ARFGEF2: variants seen among roughly 807,000 people sequenced by gnomAD.
ARFGEF2 encodes the protein brefeldin A-inhibited guanine nucleotide-exchange protein 2.
Under a neutral mutation model 219.9 loss-of-function variants are expected in ARFGEF2, and 74 were observed. That is an observed-to-expected ratio of 0.34 (90% CI 0.28 to 0.41). ARFGEF2 has a LOEUF of 0.41. Among genes scored for constraint, ARFGEF2 ranks in the 10% least tolerant of loss-of-function variants. The pLI, the probability that ARFGEF2 is intolerant of heterozygous loss-of-function variation, is 1.00. For synonymous variants in ARFGEF2, 733 were observed against 799.2 expected (o/e 0.92, Z 1.40); for missense variants, 1,743 against 2,218.3 (o/e 0.79, Z 4.30).
rs2091383339 is a variant in ARFGEF2 at position 48,995,952 on chromosome 20, A to C, written c.3221+70A>C. The C allele has an allele frequency of 2.2e-6, 3 of 1,339,922 alleles. No homozygotes were observed. In the East Asian group the frequency reaches 6.9e-5, roughly 31 times the overall value. 83.0% of individuals were successfully genotyped at this position (1,339,922 alleles called of 1,614,324 possible). Reference sequence around the variant, plus strand: ...GGTGGCCTCTCTGTAGTTACTGGACATGAATGATTCCTAATTTCTTTAACT... The same window carrying C: ...GGTGGCCTCTCTGTAGTTACTGGACCTGAATGATTCCTAATTTCTTTAACT... On this transcript the variant is annotated intron_variant, in intron 23 of 38. Transcript: ENST00000371917.
intron 17 of ARFGEF2, 30 bp from the exon 18 acceptor site, chr20:48,988,461 T>A: frequency 6.2e-7 from 1 of 1,611,036 alleles, no homozygotes; most frequent in Non-Finnish European, 8.5e-7. Context: ...GGATGTTTTT[T>A]AAATGGTTTT....
intron 1 of ARFGEF2, among the ~76,000 whole-genome samples, chr20:48,940,765 G>T (rs189645253): frequency 0.11 from 16,046 of 152,054 alleles, 960 homozygotes; most frequent in Non-Finnish European, 0.13. Flanking sequence ...AGACGTTTTT[G>T]GTTTTCAAGA....
At position 49,023,129 on chromosome 20, in the gene ARFGEF2, T is replaced by A; in HGVS notation, c.4703T>A (p.Phe1568Tyr). 1 of 1,614,166 alleles carries A rather than the reference T, an allele frequency of 6.2e-7. No homozygotes were observed. The highest frequency in any genetic ancestry group is 8.5e-7 in the Non-Finnish European group (1 of 1,180,006). Reference sequence around the variant, plus strand: ...ATACAGACCATTGACAACATTGTGTTCTACCCTGCGACGAGCAAAAAGGAG... The same window carrying A: ...ATACAGACCATTGACAACATTGTGTACTACCCTGCGACGAGCAAAAAGGAG... ...ELIQTIDNIVFYPATSKKEDA... is the reference protein window; with the variant it reads ...ELIQTIDNIVYYPATSKKEDA... Residue 1568 changes from phenylalanine (F) to tyrosine (Y), a missense_variant, in exon 35 of 39, where the codon TTC becomes TAC. Around this residue, in one of 5 missense-constraint regions of ARFGEF2, gnomAD observed 578 missense variants for 664.0 expected, o/e 0.87. Transcript: ENST00000371917.
At chr20:48,939,210 T>C (rs1045836648) in intron 1 of ARFGEF2, among the ~76,000 whole-genome samples, 8 of 152,062 alleles carry the variant, frequency 5.3e-5, no homozygotes, top group African/African-American at 1.9e-4. Context: ...CCTGACCTCG[T>C]GATCTGCCTG....
At chr20:49,019,777 T>A (rs766259961) in intron 34 of ARFGEF2, among the ~76,000 whole-genome samples, 11 of 152,256 alleles carry the variant, frequency 7.2e-5, no homozygotes, top group Admixed American at 5.2e-4. Context: ...GCACCACTTC[T>A]GTTTTCTTCT....
At chr20:48,942,086 T>C in intron 3 of ARFGEF2, 99 bp downstream of exon 3, 3 of 1,481,232 alleles carry the variant, frequency 2.0e-6, no homozygotes, top group Non-Finnish European at 2.8e-6. Flanking sequence ...CACTCAGTGC[T>C]GTCAGAGGCG....
In ARFGEF2 at chr20:49,005,146, A is replaced by T; in HGVS notation, c.3509A>T (p.Glu1170Val). Residue 1170 changes from glutamate to valine, a missense_variant, in exon 26 of 39, where the codon GAG becomes GTG. By Grantham distance (121) the Glu-to-Val change is moderately radical. Transcript: ENST00000371917. Reference sequence around the variant, plus strand: ...AGGCAACTCTCCATGAAGTTTCTTGAGAAGGGTGAATTAGCCAACTTCCGT... The same window carrying T: ...AGGCAACTCTCCATGAAGTTTCTTGTGAAGGGTGAATTAGCCAACTTCCGT... ...SLRQLSMKFL[E>V]KGELANFRFQ... 6.2e-7 allele frequency: 1 copy of T among 1,614,206 alleles called. No homozygotes were observed. The highest frequency in any genetic ancestry group is 8.5e-7 in the Non-Finnish European group (1 of 1,180,048).
intron 1 of ARFGEF2, among the ~76,000 whole-genome samples, chr20:48,933,940 C>T (rs896963322): frequency 7.2e-5 from 11 of 151,754 alleles, no homozygotes; most frequent in South Asian, 2.1e-4. Flanking sequence ...GCCAACATGG[C>T]GAAACCCTGT....
chr20:48,974,897 C>A lies in ARFGEF2; in HGVS notation c.1774+23C>A, dbSNP rs1293474274. 6 of 1,579,472 alleles carry A rather than the reference C, an allele frequency of 3.8e-6. No individual in the cohort carries two copies. In the Admixed American group the frequency reaches 5.0e-5, roughly 13 times the overall value. The stretch of plus-strand genomic sequence containing the variant: ...TCGGTGAGACAGCATTGCTGCCACA[C>A]CCACCTCCATTCATAATAGGCTCCT... On this transcript the variant is annotated intron_variant, in intron 13 of 38. Transcript: ENST00000371917.
At chr20:48,960,384 GT>G (rs2091139732) in intron 6 of ARFGEF2, among the ~76,000 whole-genome samples, 1 of 152,226 alleles carries the variant, frequency 6.6e-6, no homozygotes, top group African/African-American at 2.4e-5. Context: ...GAGTCAGTGA[GT>G]GAGCAGTGAG....
chr20:48,939,461 G>T (rs1449809194), intron 1 of ARFGEF2, among the ~76,000 whole-genome samples: 1 of 152,038 alleles, frequency 6.6e-6, no homozygotes, highest in African/African-American at 2.4e-5. Context: ...GACATATCTT[G>T]TCACCCAAGC....
chr20:48,997,880 C>T (rs1568729040), intron 23 of ARFGEF2, among the ~76,000 whole-genome samples: 1 of 152,046 alleles, frequency 6.6e-6, no homozygotes, highest in Non-Finnish European at 1.5e-5. Flanking sequence ...TTTTTTGAGA[C>T]AGAGTCTGTC....
chr20:48,962,650 A>G (rs1011946424), intron 6 of ARFGEF2, among the ~76,000 whole-genome samples: 4 of 152,114 alleles, frequency 2.6e-5, no homozygotes, highest in African/African-American at 9.7e-5. Context: ...TTCTAATTTC[A>G]AGTTCCCTTT....
At chr20:48,946,215 G>A (rs1406015123) in intron 3 of ARFGEF2, among the ~76,000 whole-genome samples, 2 of 152,172 alleles carry the variant, frequency 1.3e-5, no homozygotes, top group Non-Finnish European at 1.5e-5. Flanking sequence ...TGAGCTTGGC[G>A]CAGCAGTAGG....
chr20:48,944,806 CA>C (rs1427989270), intron 3 of ARFGEF2, among the ~76,000 whole-genome samples: 9 of 152,074 alleles, frequency 5.9e-5, no homozygotes, highest in Non-Finnish European at 1.3e-4. Context: ...TGTTCTTAAC[CA>C]GGGGTCATCA....
chr20:49,014,431 G>T (rs2091518464), intron 30 of ARFGEF2, among the ~76,000 whole-genome samples: 1 of 151,962 alleles, frequency 6.6e-6, no homozygotes, highest in Non-Finnish European at 1.5e-5. Context: ...TAGTGAAAGG[G>T]TATTCTAGGC....
chr20:48,996,054 T>TTTAACA (rs1370424674), intron 23 of ARFGEF2, among the ~76,000 whole-genome samples, 172 bp downstream of exon 23: 1 of 152,242 alleles, frequency 6.6e-6, no homozygotes, highest in Non-Finnish European at 1.5e-5. Flanking sequence ...AAGGTATAAC[T>TTTAACA]TTAACATTGT....
At chr20:49,025,556 C>T in intron 36 of ARFGEF2, 75 bp downstream of exon 36, 1 of 1,549,526 alleles carries the variant, frequency 6.5e-7, no homozygotes, top group Non-Finnish European at 8.9e-7. Flanking sequence ...TTGGAAAATG[C>T]CCAAAATTTT....
At chr20:48,927,796 C>G (rs1349632719) in intron 1 of ARFGEF2, among the ~76,000 whole-genome samples, 3 of 151,978 alleles carry the variant, frequency 2.0e-5, no homozygotes. Flanking sequence ...TTTGATGAGA[C>G]ATTTCGTTTA....
Sources: gnomAD v4.1 joint callset for allele counts (sites outside exome capture counted in the v4.1 genomes callset) on GRCh38, gnomAD v4.1.1 for gene constraint, gnomAD v4.1.1 regional missense constraint, MANE v1.5 for transcripts, NCBI Gene and HGNC (gene_info 2026-07-23, HGNC 2026-07-21) for gene names.